Variants in GRIN3A observed in about 807,000 individuals in gnomAD.
The protein encoded by GRIN3A is glutamate receptor ionotropic, NMDA 3A.
Under a neutral mutation model 92.4 loss-of-function variants are expected in GRIN3A, and 47 were observed. That is an observed-to-expected ratio of 0.51 (90% CI 0.40 to 0.65). GRIN3A has a LOEUF of 0.65. Ranked by LOEUF, GRIN3A falls within the 30% of genes least tolerant of loss-of-function variation. GRIN3A has a pLI of 0.00. For missense variants in GRIN3A, 1,324 were observed against 1,393.1 expected (o/e 0.95, Z 0.79); for synonymous variants, 527 against 540.6 (o/e 0.97, Z 0.35).
chr9:101,594,495 C>T lies in GRIN3A; in HGVS notation c.2767-15135G>A, dbSNP rs773945805. 1.9e-6 allele frequency: 3 copies of T among 1,614,198 alleles called. No individual in the cohort carries two copies. The South Asian group carries it at 3.3e-5, about 18-fold the overall frequency. The stretch of plus-strand genomic sequence containing the variant: ...TCAAAGGATATCTTCCCATCGCCAT[C>T]CTTGTCCAGGATGATGATGGTTTTG... On this transcript the variant is annotated intron_variant, in intron 6 of 8. Transcript: ENST00000361820.
chr9:101,583,015 A>G (rs1480821724), intron 6 of GRIN3A, among the ~76,000 whole-genome samples: 3 of 152,200 alleles, frequency 2.0e-5, no homozygotes, highest in East Asian at 3.9e-4. Flanking sequence ...TAAATTTGGC[A>G]TTTAATACAT....
At chr9:101,635,562 C>T (rs911606528) in intron 3 of GRIN3A, among the ~76,000 whole-genome samples, 5 of 152,166 alleles carry the variant, frequency 3.3e-5, no homozygotes. Flanking sequence ...GTCATCTTTG[C>T]AGGTAAATAA....
chr9:101,667,899 G>C (rs956588375), intron 3 of GRIN3A, among the ~76,000 whole-genome samples: 1 of 152,022 alleles, frequency 6.6e-6, no homozygotes, highest in Admixed American at 6.6e-5. Flanking sequence ...ACCTACAAAA[G>C]AGATATTTTA....
intron 3 of GRIN3A, among the ~76,000 whole-genome samples, chr9:101,656,485 A>G (rs939369668): frequency 2.6e-5 from 4 of 151,926 alleles, no homozygotes; most frequent in Non-Finnish European, 4.4e-5. Context: ...AGAGTGAAAG[A>G]TAAGAGTGGG....
intron 6 of GRIN3A, among the ~76,000 whole-genome samples, chr9:101,606,763 G>A (rs1418743672): frequency 6.6e-6 from 1 of 152,028 alleles, no homozygotes; most frequent in Admixed American, 6.6e-5. Flanking sequence ...TTATCATCTG[G>A]ATATTTTAGT....
intron 3 of GRIN3A, among the ~76,000 whole-genome samples, chr9:101,654,889 C>T (rs1564136577): frequency 1.3e-5 from 2 of 151,750 alleles, no homozygotes; most frequent in Non-Finnish European, 2.9e-5. Flanking sequence ...GGGTAGGGAT[C>T]TGACTTGTCT....
chr9:101,698,333 G>A (rs1829707554), intron 1 of GRIN3A, among the ~76,000 whole-genome samples: 1 of 152,280 alleles, frequency 6.6e-6, no homozygotes, highest in South Asian at 2.1e-4. Flanking sequence ...AAAATGGAAA[G>A]AATTTCCAAA....
chr9:101,611,884 T>A (rs890177087), intron 6 of GRIN3A, among the ~76,000 whole-genome samples: 1 of 152,092 alleles, frequency 6.6e-6, no homozygotes, highest in African/African-American at 2.4e-5. Context: ...AGCTGGAAGT[T>A]TATAATATAA....
At position 101,569,804 on chromosome 9, in the gene GRIN3A, GT is replaced by G. The variant is rs1827735244; in HGVS notation, c.*3369del. 1 of 152,156 alleles carries G rather than the reference GT, an allele frequency of 6.6e-6. No individual in the cohort carries two copies. Among genetic ancestry groups the G allele is most frequent in the Non-Finnish European group, 1.5e-5 (1 of 68,022 alleles). 9.4% of individuals were successfully genotyped at this position (152,156 alleles called of 1,614,324 possible). A position where few individuals can be genotyped will look rare whatever the true frequency, so the allele number is the denominator to read the frequency against. Reference sequence around the variant, plus strand: ...TGGGAGAAAAAGAGGCTCTAAAGTAGTTTCTTTCCCCTTTATTCTTTACCCA... The same window carrying G: ...TGGGAGAAAAAGAGGCTCTAAAGTAGTTCTTTCCCCTTTATTCTTTACCCA... On this transcript the variant is annotated 3_prime_UTR_variant, in exon 9 of 9. Coordinates refer to ENST00000361820, the MANE Select transcript of GRIN3A (RefSeq NM_133445.3).
chr9:101,724,132 G>A (rs1243206340), intron 1 of GRIN3A, among the ~76,000 whole-genome samples: 1 of 152,150 alleles, frequency 6.6e-6, no homozygotes, highest in Non-Finnish European at 1.5e-5. Flanking sequence ...CAGCCCTTGG[G>A]TGGTCGATGG....
Position 101,629,104 on chromosome 9 carries a change from G to C in GRIN3A, c.2353-703C>G, listed in dbSNP as rs1212301249. On this transcript the variant is annotated intron_variant, in intron 3 of 8. Transcript: ENST00000361820. ...AAGGTAATAGTTAAATAAATTATAT[G>C]GTATATTCTTATAGAGTGTAATGCA... Among the ~76,000 whole-genome samples, 7 of 151,942 alleles carry C rather than the reference G, an allele frequency of 4.6e-5. No homozygotes were observed. In the South Asian group the frequency reaches 1.0e-3, roughly 23 times the overall value.
chr9:101,595,536 T>G (rs1211175449), intron 6 of GRIN3A, among the ~76,000 whole-genome samples: 7 of 152,130 alleles, frequency 4.6e-5, no homozygotes, highest in Non-Finnish European at 8.8e-5. Context: ...TGATATAGTA[T>G]GTTTTCCACG....
chr9:101,738,063 A>C lies in GRIN3A; in HGVS notation c.-84T>G. The C allele has an allele frequency of 8.5e-7, 1 of 1,179,826 alleles. No individual in the cohort carries two copies. The highest frequency in any genetic ancestry group is 1.3e-5 in the South Asian group (1 of 76,604). 73.1% of individuals were successfully genotyped at this position (1,179,826 alleles called of 1,614,324 possible). On this transcript the variant is annotated 5_prime_UTR_variant, in exon 1 of 9. Coordinates refer to ENST00000361820, the MANE Select transcript of GRIN3A (RefSeq NM_133445.3). ...GCCGCTGCCTGAGGTCTCCGCCTCC[A>C]GGTCCCGCGCGCAGCTTCACTCCAC...
At chr9:101,602,051 C>A (rs1462788404) in intron 6 of GRIN3A, among the ~76,000 whole-genome samples, 1 of 152,088 alleles carries the variant, frequency 6.6e-6, no homozygotes, top group Non-Finnish European at 1.5e-5. Flanking sequence ...GCATTGGCTT[C>A]CCTGGCCAGC....
intron 3 of GRIN3A, among the ~76,000 whole-genome samples, chr9:101,649,343 G>A (rs933580354): frequency 6.6e-6 from 1 of 151,996 alleles, no homozygotes; most frequent in Non-Finnish European, 1.5e-5. Context: ...AGAGTGCCAA[G>A]TAGCCTCCAA....
At chr9:101,591,380 G>C (rs970935132) in intron 6 of GRIN3A, among the ~76,000 whole-genome samples, 1 of 152,116 alleles carries the variant, frequency 6.6e-6, no homozygotes, top group African/African-American at 2.4e-5. Context: ...GTAGATATAG[G>C]AGCTATAAAA....
rs981730757 is a variant in GRIN3A at position 101,660,067 on chromosome 9, A to G, written c.2352+9993T>C. 2.0e-5 allele frequency among the ~76,000 whole-genome samples: 3 copies of G among 151,754 alleles called. No homozygotes were observed. The East Asian group carries it at 5.8e-4, about 30-fold the overall frequency. On this transcript the variant is annotated intron_variant, in intron 3 of 8. Transcript: ENST00000361820. Reference sequence around the variant, plus strand: ...TGCCAATTTCCACTAATTGTCGTGTACTGTGTGTCTGATCCATATAAGACC... The same window carrying G: ...TGCCAATTTCCACTAATTGTCGTGTGCTGTGTGTCTGATCCATATAAGACC...
At chr9:101,688,685 G>T (rs1288266625) in intron 1 of GRIN3A, among the ~76,000 whole-genome samples, 1 of 152,070 alleles carries the variant, frequency 6.6e-6, no homozygotes, top group East Asian at 1.9e-4. Context: ...ACTTTGGGAG[G>T]CCGAGGCAGG....
chr9:101,616,797 C>T (rs555502929), intron 5 of GRIN3A, among the ~76,000 whole-genome samples: 107 of 142,754 alleles, frequency 7.5e-4, no homozygotes, highest in African/African-American at 2.8e-3. Context: ...TGCTAGATGA[C>T]GAGTTAGTGG....
Sources: allele counts gnomAD v4.1 joint callset (sites outside exome capture counted in the v4.1 genomes callset), GRCh38; gene constraint gnomAD v4.1.1; transcripts MANE v1.5; gene names NCBI Gene and HGNC (gene_info 2026-07-23, HGNC 2026-07-21).